The following PRKG1 variants were observed in gnomAD, a reference collection of about 807,000 sequenced individuals.
The protein encoded by PRKG1 is cGMP-dependent protein kinase 1.
A neutral mutation model predicts 88.1 loss-of-function variants in PRKG1; 35 were observed. The observed-to-expected ratio is 0.40, with a 90% CI of 0.30 to 0.53. The LOEUF (loss-of-function observed/expected upper bound fraction) is 0.53, where lower values mean the gene tolerates loss of function less well. Ranked by LOEUF, PRKG1 falls within the 20% of genes least tolerant of loss-of-function variation. The probability of loss-of-function intolerance (pLI) is 0.59; values close to 1 mark genes in which losing one functional copy is unlikely to be tolerated. For missense variants in PRKG1, 540 were observed against 839.8 expected (o/e 0.64, Z 4.41); for synonymous variants, 303 against 292.5 (o/e 1.04, Z -0.37).
intron 1 of PRKG1, among the ~76,000 whole-genome samples, chr10:51,084,152 G>A (rs1844186443): frequency 6.6e-6 from 1 of 152,284 alleles, no homozygotes; most frequent in South Asian, 2.1e-4. Flanking sequence ...ATTATGCAGG[G>A]AAGTTAATCA....
chr10:52,043,583 G>A (rs1018536517), intron 5 of PRKG1, among the ~76,000 whole-genome samples: 15 of 151,892 alleles, frequency 9.9e-5, no homozygotes, highest in Non-Finnish European at 1.6e-4. Flanking sequence ...GAGGGATGGG[G>A]AAAGATACAA....
chr10:51,587,431 A>G (rs1838201098), intron 3 of PRKG1, among the ~76,000 whole-genome samples: 1 of 152,172 alleles, frequency 6.6e-6, no homozygotes, highest in African/African-American at 2.4e-5. Context: ...CCCAAAGCCA[A>G]GTGTACATTA....
intron 4 of PRKG1, among the ~76,000 whole-genome samples, chr10:51,831,857 A>C (rs1822097990): frequency 6.6e-6 from 1 of 152,202 alleles, no homozygotes; most frequent in Non-Finnish European, 1.5e-5. Context: ...TAGGAGTCTT[A>C]GAAAGAAAGG....
intron 8 of PRKG1, among the ~76,000 whole-genome samples, chr10:52,147,818 G>A (rs1177569969): frequency 6.6e-6 from 1 of 152,124 alleles, no homozygotes; most frequent in African/African-American, 2.4e-5. Context: ...TGAATTATTG[G>A]TAGGTGATAA....
intron 9 of PRKG1, among the ~76,000 whole-genome samples, chr10:52,197,911 T>C (rs909872885): frequency 3.3e-5 from 5 of 152,168 alleles, no homozygotes; most frequent in Non-Finnish European, 5.9e-5. Context: ...TTCTGGTCAC[T>C]AGGGTACCAT....
At chr10:51,969,671 A>G (rs1843656179) in intron 5 of PRKG1, among the ~76,000 whole-genome samples, 1 of 152,058 alleles carries the variant, frequency 6.6e-6, no homozygotes, top group Non-Finnish European at 1.5e-5. Flanking sequence ...GCTCAAAACC[A>G]TTAGTTTTCA....
chr10:51,334,715 T>C (rs1448086784), intron 2 of PRKG1, among the ~76,000 whole-genome samples: 1 of 152,140 alleles, frequency 6.6e-6, no homozygotes, highest in Admixed American at 6.6e-5. Flanking sequence ...TTTTCTGTAA[T>C]GGCAGAGAGA....
intron 4 of PRKG1, among the ~76,000 whole-genome samples, chr10:51,846,927 A>G (rs1326692013): frequency 2.6e-5 from 4 of 152,304 alleles, no homozygotes; most frequent in African/African-American, 7.2e-5. Context: ...ATAAAAATAT[A>G]TACATCAAGT....
At chr10:52,048,811 T>G (rs1181714455) in intron 5 of PRKG1, among the ~76,000 whole-genome samples, 2 of 152,114 alleles carry the variant, frequency 1.3e-5, no homozygotes, top group African/African-American at 2.4e-5. Flanking sequence ...TCTCTATCTA[T>G]CCTCCTAATC....
At chr10:51,442,608 T>C (rs966115714) in intron 2 of PRKG1, among the ~76,000 whole-genome samples, 21 of 152,028 alleles carry the variant, frequency 1.4e-4, no homozygotes, top group Admixed American at 1.3e-4. Context: ...TCATTGTACT[T>C]ATAGGTGGCC....
At chr10:51,697,476 T>C in intron 3 of PRKG1, 1 of 555,442 alleles carries the variant, frequency 1.8e-6, no homozygotes, top group Non-Finnish European at 3.2e-6. Flanking sequence ...CAGAGTTATT[T>C]TAAAGTAACT....
At chr10:51,304,234 A>G (rs1675975460) in intron 2 of PRKG1, among the ~76,000 whole-genome samples, 1 of 132,360 alleles carries the variant, frequency 7.6e-6, no homozygotes, top group African/African-American at 2.8e-5. Flanking sequence ...CAGTGTAAGC[A>G]CTTGAAAATT....
At chr10:51,366,461 C>G (rs1182801499) in intron 2 of PRKG1, among the ~76,000 whole-genome samples, 1 of 151,902 alleles carries the variant, frequency 6.6e-6, no homozygotes, top group Admixed American at 6.6e-5. Flanking sequence ...CTGATCAGCC[C>G]ATACTTTATG....
chr10:51,317,290 T>G (rs937566296), intron 2 of PRKG1, among the ~76,000 whole-genome samples: 3 of 152,244 alleles, frequency 2.0e-5, no homozygotes, highest in Admixed American at 2.0e-4. Context: ...ACTATAGATA[T>G]TTTACAAGTC....
At chr10:51,934,262 C>CT (rs1040603499) in intron 5 of PRKG1, among the ~76,000 whole-genome samples, 1 of 151,076 alleles carries the variant, frequency 6.6e-6, no homozygotes, top group Non-Finnish European at 1.5e-5. Flanking sequence ...ATACCCCCCC[C>CT]CCAACACCGC....
At chr10:51,646,835 C>A (rs1423758555) in intron 3 of PRKG1, among the ~76,000 whole-genome samples, 2 of 151,806 alleles carry the variant, frequency 1.3e-5, no homozygotes. Flanking sequence ...AAAATAGGTG[C>A]CTAGATGAAA....
At chr10:51,844,017 T>C (rs1589345458) in intron 4 of PRKG1, among the ~76,000 whole-genome samples, 2 of 152,318 alleles carry the variant, frequency 1.3e-5, no homozygotes, top group East Asian at 1.9e-4. Context: ...TAGAATTTGC[T>C]TGTGGCAAGC....
rs548950913 is a variant in PRKG1 at position 51,322,821 on chromosome 10, C to A, written c.479-144902C>A. Reference sequence around the variant, plus strand: ...TTCTTAAAGGATACCTTTCTACCCTCAAAAGCTCATGCACACTAAGGTTGA... The same window carrying A: ...TTCTTAAAGGATACCTTTCTACCCTAAAAAGCTCATGCACACTAAGGTTGA... On this transcript the variant is annotated intron_variant, in intron 2 of 17. Transcript: ENST00000373980. Among the ~76,000 whole-genome samples, 299 of 152,324 alleles carry A rather than the reference C, an allele frequency of 2.0e-3. 1 individual carries two copies. The highest frequency in any genetic ancestry group is 7.0e-3 in the African/African-American group (292 of 41,572).
intron 3 of PRKG1, among the ~76,000 whole-genome samples, chr10:51,614,453 G>T (rs1163250998): frequency 6.6e-6 from 1 of 151,760 alleles, no homozygotes; most frequent in East Asian, 1.9e-4. Flanking sequence ...CACAGGGTCA[G>T]TATTCAAGGA....
Sources: gnomAD v4.1 joint callset for allele counts (sites outside exome capture counted in the v4.1 genomes callset) on GRCh38, gnomAD v4.1.1 for gene constraint, MANE v1.5 for transcripts, NCBI Gene and HGNC (gene_info 2026-07-23, HGNC 2026-07-21) for gene names.